The following INTS13 variants were observed in gnomAD, a reference collection of about 807,000 sequenced individuals.
INTS13 encodes the protein integrator complex subunit 13, also known as asunder, spermatogenesis regulator homolog (Drosphila).
INTS13 carries 35 observed loss-of-function variants against 90.2 expected under a neutral mutation model. The ratio of observed to expected loss-of-function variants is 0.39; its 90% confidence interval spans 0.30 to 0.51. The LOEUF is 0.51. INTS13 is among the 20% of genes least tolerant of loss of function. INTS13 has a pLI of 0.80. For synonymous variants in INTS13, 309 were observed against 277.1 expected (o/e 1.11, Z -1.14); for missense variants, 601 against 851.2 (o/e 0.71, Z 3.66).
At chr12:26,920,973 T>C (rs917036548) in intron 8 of INTS13, among the ~76,000 whole-genome samples, 3 of 152,164 alleles carry the variant, frequency 2.0e-5, no homozygotes, top group African/African-American at 7.2e-5. Flanking sequence ...CAGCATCAAT[T>C]TACTAGAAAA....
At chr12:26,912,359 C>G (rs553306328) in intron 14 of INTS13, among the ~76,000 whole-genome samples, 4 of 152,246 alleles carry the variant, frequency 2.6e-5, no homozygotes, top group Admixed American at 6.5e-5. Flanking sequence ...ATCACTTGAA[C>G]CCAGGAGGCA....
chr12:26,926,757 T>C (rs1937898139), intron 5 of INTS13, among the ~76,000 whole-genome samples: 1 of 152,204 alleles, frequency 6.6e-6, no homozygotes, highest in Non-Finnish European at 1.5e-5. Flanking sequence ...CACATAGCTC[T>C]TAAGTTCATT....
At chr12:26,936,889 T>C (rs1471616795) in intron 1 of INTS13, 75 bp from the exon 2 acceptor site, 12 of 987,044 alleles carry the variant, frequency 1.2e-5, no homozygotes, top group African/African-American at 4.9e-5. Flanking sequence ...CTCAAGAAGA[T>C]TGTCTTTCCC....
chr12:26,906,852 G>A (rs1227705947), intron 15 of INTS13, among the ~76,000 whole-genome samples: 2 of 152,212 alleles, frequency 1.3e-5, no homozygotes, highest in Non-Finnish European at 2.9e-5. Flanking sequence ...TACCTCCATA[G>A]GCAAACATGC....
chr12:26,924,566 T>C, intron 6 of INTS13, 83 bp from the exon 7 acceptor site: 1 of 1,365,580 alleles, frequency 7.3e-7, no homozygotes, highest in Non-Finnish European at 9.8e-7. Flanking sequence ...TATAAATCCA[T>C]TAAAATTAAG....
chr12:26,921,828 T>A (rs936124237), intron 8 of INTS13, among the ~76,000 whole-genome samples: 3 of 152,264 alleles, frequency 2.0e-5, no homozygotes, highest in East Asian at 1.9e-4. Context: ...GCTAATTTTT[T>A]AATTTTTAGT....
chr12:26,924,519 A>G, intron 6 of INTS13, 36 bp from the exon 7 acceptor site: 1 of 1,565,284 alleles, frequency 6.4e-7, no homozygotes, highest in South Asian at 1.2e-5. Flanking sequence ...AATCCACAAA[A>G]TATTAATTCA....
chr12:26,934,810 G>A (rs1938376547), intron 2 of INTS13, among the ~76,000 whole-genome samples, 180 bp from the exon 3 acceptor site: 1 of 152,222 alleles, frequency 6.6e-6, no homozygotes, highest in Non-Finnish European at 1.5e-5. Flanking sequence ...CATGGGAATA[G>A]AGTGATGAAT....
intron 5 of INTS13, among the ~76,000 whole-genome samples, chr12:26,927,219 G>A (rs920261220): frequency 1.3e-5 from 2 of 152,240 alleles, no homozygotes; most frequent in African/African-American, 4.8e-5. Flanking sequence ...AGGGGGTTGT[G>A]GAAACACCTA....
chr12:26,914,536 G>A lies in INTS13; in HGVS notation c.1291C>T (p.Leu431=). 6.2e-7 allele frequency: 1 copy of A among 1,613,632 alleles called. No homozygotes were observed. Among genetic ancestry groups the A allele is most frequent in the Non-Finnish European group, 8.5e-7 (1 of 1,179,762 alleles). The change falls in exon 12 of 17, where the codon CTA becomes TTA. Residue 431 remains leucine, a synonymous_variant. Transcript: ENST00000261191. The part of the protein sequence containing the change: ...FMRENRLTPF[L]DPRYKIDGSL... ...CCATCGATTTTATATCTGGGGTCTA[G>A]AAAAGGAGTTAATCTGTTTTCCCTC...
At chr12:26,909,606 A>G (rs1951716736) in intron 15 of INTS13, among the ~76,000 whole-genome samples, 1 of 151,988 alleles carries the variant, frequency 6.6e-6, no homozygotes, top group African/African-American at 2.4e-5. Flanking sequence ...CAATGCTGAA[A>G]CACTGTTTAG....
intron 8 of INTS13, among the ~76,000 whole-genome samples, chr12:26,921,928 T>C (rs1952130158): frequency 6.6e-6 from 1 of 152,210 alleles, no homozygotes; most frequent in African/African-American, 2.4e-5. Context: ...AGTGCTAGGA[T>C]TACTGGTGTG....
intron 3 of INTS13, among the ~76,000 whole-genome samples, chr12:26,929,968 T>C (rs1340526362): frequency 6.6e-6 from 1 of 152,164 alleles, no homozygotes; most frequent in Non-Finnish European, 1.5e-5. Flanking sequence ...ATATACAAGT[T>C]CAGCAAACCT....
At chr12:26,927,573 T>C (rs1462251184) in intron 5 of INTS13, among the ~76,000 whole-genome samples, 2 of 152,186 alleles carry the variant, frequency 1.3e-5, no homozygotes, top group African/African-American at 2.4e-5. Context: ...CACTAACAAC[T>C]TGCACATTTA....
intron 8 of INTS13, among the ~76,000 whole-genome samples, chr12:26,919,979 T>G (rs146258185): frequency 9.2e-4 from 140 of 152,066 alleles, no homozygotes; most frequent in African/African-American, 3.2e-3. Flanking sequence ...ACACAAAATA[T>G]TAGCCAGGCA....
Position 26,922,685 on chromosome 12 carries a change from T to G in INTS13, c.820A>C (p.Asn274His). Residue 274 changes from asparagine (N) to histidine (H), a missense_variant, in exon 8 of 17, where the codon AAC becomes CAC. Physicochemically the swap from Asn to His is moderately conservative, Grantham distance 68 (BLOSUM62 1). Transcript: ENST00000261191. Reference protein sequence around the residue: ...NIPMKEEQHANTSANYDVELL... With the variant: ...NIPMKEEQHAHTSANYDVELL... ...TCCACATCATAATTGGCAGATGTGT[T>G]AGCATGCTGTTCTTCCTTGAAGTAA... The G allele has an allele frequency of 6.3e-7, 1 of 1,579,876 alleles. No individual in the cohort carries two copies. The highest frequency in any genetic ancestry group is 8.6e-7 in the Non-Finnish European group (1 of 1,162,416).
At position 26,928,754 on chromosome 12, in the gene INTS13, G is replaced by A. The variant is rs766828739; in HGVS notation, c.452C>T (p.Ala151Val). Residue 151 changes from alanine to valine, a missense_variant, in exon 4 of 17, where the codon GCA becomes GTA. Physicochemically the swap from Ala to Val is moderately conservative, Grantham distance 64. Coordinates refer to ENST00000261191, the MANE Select transcript of INTS13 (RefSeq NM_018164.3). The part of the protein sequence containing the change: ...HEARTLLMEN[A>V]ERVGNRGRII... ...TCGTCCTCTATTTCCAACACGTTCT[G>A]CATTCTCCATGAGTAGAGTACGAGC... 5 of 1,613,922 alleles carry A rather than the reference G, an allele frequency of 3.1e-6. No homozygotes were observed. In the African/African-American group the frequency reaches 6.7e-5, roughly 22 times the overall value.
chr12:26,913,613 T>C lies in INTS13; in HGVS notation c.1649A>G (p.His550Arg), dbSNP rs1951852367. 1 of 1,614,150 alleles carries C rather than the reference T, an allele frequency of 6.2e-7. No individual in the cohort carries two copies. The highest frequency in any genetic ancestry group is 8.5e-7 in the Non-Finnish European group (1 of 1,180,024). Residue 550 changes from histidine to arginine, a missense_variant, in exon 14 of 17, where the codon CAT (histidine) becomes CGT (arginine). Around this residue, in one of 3 missense-constraint regions of INTS13, gnomAD observed 228 missense variants for 272.5 expected, o/e 0.84. Transcript: ENST00000261191. ...CATCAGACATTCCAAGACTCTTTGATGTTTCTCTGAGTTGTTGATATGGGC... is the reference window on the plus strand; with the variant it reads ...CATCAGACATTCCAAGACTCTTTGACGTTTCTCTGAGTTGTTGATATGGGC... ...VRAHINNSEKHQRVLECLMAC... is the reference protein window; with the variant it reads ...VRAHINNSEKRQRVLECLMAC...
intron 10 of INTS13, among the ~76,000 whole-genome samples, chr12:26,916,969 G>A (rs1951952846): frequency 1.3e-5 from 2 of 152,092 alleles, no homozygotes; most frequent in Middle Eastern, 6.8e-3. Flanking sequence ...AAGATAAATG[G>A]TCTATATTAT....
Sources: allele counts gnomAD v4.1 joint callset (sites outside exome capture counted in the v4.1 genomes callset), GRCh38; gene constraint gnomAD v4.1.1; regional missense constraint gnomAD v4.1.1; transcripts MANE v1.5; gene names NCBI Gene and HGNC (gene_info 2026-07-23, HGNC 2026-07-21).